MORF4L1: variants seen among roughly 807,000 people sequenced by gnomAD.
The protein encoded by MORF4L1 is mortality factor 4-like protein 1.
MORF4L1 carries 4 observed loss-of-function variants against 52.9 expected under a neutral mutation model. The ratio of observed to expected loss-of-function variants is 0.08; its 90% CI spans 0.04 to 0.17. The LOEUF (loss-of-function observed/expected upper bound fraction) is 0.17. MORF4L1 is among the 10% of genes least tolerant of loss of function. MORF4L1 has a pLI of 1.00. For missense variants in MORF4L1, 214 were observed against 390.4 expected (o/e 0.55, Z 3.81); for synonymous variants, 123 against 134.8 (o/e 0.91, Z 0.61).
intron 10 of MORF4L1, 152 bp downstream of exon 10, chr15:78,894,382 C>G (rs1428168983): frequency 1.8e-6 from 1 of 555,918 alleles, no homozygotes; most frequent in Non-Finnish European, 3.0e-6. Context: ...TCTTTAGGAG[C>G]AAGAGTTTTA....
intron 5 of MORF4L1, among the ~76,000 whole-genome samples, chr15:78,889,333 C>G (rs1014009544): frequency 6.6e-6 from 1 of 152,166 alleles, no homozygotes; most frequent in Non-Finnish European, 1.5e-5. Context: ...AGAAGCGTTT[C>G]AGATTCCAGA....
At chr15:78,873,206 G>C in intron 1 of MORF4L1, 149 bp downstream of exon 1, 1 of 1,515,412 alleles carries the variant, frequency 6.6e-7, no homozygotes, top group Non-Finnish European at 8.8e-7. Context: ...GCGCATTGCG[G>C]ATGGCAATTC....
rs370919012 is a variant in MORF4L1 at position 78,891,486 on chromosome 15, C to G, written c.352C>G (p.Pro118Ala). The G allele has an allele frequency of 1.9e-6, 3 of 1,613,386 alleles. No individual in the cohort carries two copies. Among genetic ancestry groups the G allele is most frequent in the African/African-American group, 2.7e-5 (2 of 74,842 alleles). Residue 118 changes from proline to alanine, a missense_variant and splice_region_variant, in exon 7 of 12, where the codon CCT (proline) becomes GCT (alanine). Physicochemically the swap from Pro to Ala is conservative, Grantham distance 27. This residue lies in a region of MORF4L1 where 84 missense variants were observed against 116.3 expected (regional missense o/e 0.72). Transcript: ENST00000426013. ...VKTKKNKQKTPGNGDGGSTSE... is the reference protein window; with the variant it reads ...VKTKKNKQKTAGNGDGGSTSE... ...CCCCTCCCCGCCAACATTTACAGCA[C>G]CTGGAAATGGAGATGGTGGCAGTAC...
At chr15:78,873,345 C>A in intron 1 of MORF4L1, 1 of 767,940 alleles carries the variant, frequency 1.3e-6, no homozygotes. Context: ...GAAGAGGGCG[C>A]GGAGAGAGCA....
chr15:78,880,624 C>T (rs1422985742), intron 3 of MORF4L1, 45 bp downstream of exon 3: 2 of 1,387,168 alleles, frequency 1.4e-6, no homozygotes, highest in African/African-American at 1.4e-5. Context: ...AACAAGATAG[C>T]TTGTGTCACT....
Position 78,872,961 on chromosome 15 carries a change from G to A in MORF4L1, c.-57G>A. On this transcript the variant is annotated 5_prime_UTR_variant, in exon 1 of 12. Coordinates refer to ENST00000426013, the MANE Select transcript of MORF4L1 (RefSeq NM_006791.4). ...GACGCGGAGTTGGGTGGGGTAGAGA[G>A]TAGGGGGCGGTAGTCGGGGGTGGTG... 1.9e-6 allele frequency: 3 copies of A among 1,544,730 alleles called. No homozygotes were observed. The highest frequency in any genetic ancestry group is 2.6e-6 in the Non-Finnish European group (3 of 1,144,842).
At chr15:78,888,309 T>TA (rs960897608) in intron 5 of MORF4L1, among the ~76,000 whole-genome samples, 14 of 151,422 alleles carry the variant, frequency 9.2e-5, no homozygotes, top group Admixed American at 4.0e-4. Flanking sequence ...TACAGAAAAA[T>TA]AAAAAAATTA....
chr15:78,889,435 TG>T (rs1280363447), intron 5 of MORF4L1, among the ~76,000 whole-genome samples: 4 of 152,330 alleles, frequency 2.6e-5, no homozygotes, highest in Non-Finnish European at 5.9e-5. Context: ...TTGAATGTCA[TG>T]TTGGCTCAGA....
intron 3 of MORF4L1, among the ~76,000 whole-genome samples, chr15:78,885,929 C>A (rs2050018948): frequency 6.6e-6 from 1 of 152,196 alleles, no homozygotes; most frequent in Non-Finnish European, 1.5e-5. Context: ...TGGACTCTGG[C>A]AGCTTAGATT....
At chr15:78,880,361 T>C in intron 2 of MORF4L1, 151 bp from the exon 3 acceptor site, 1 of 600,472 alleles carries the variant, frequency 1.7e-6, no homozygotes, top group Non-Finnish European at 2.9e-6. Flanking sequence ...TCTTCAGTTT[T>C]GTAACTTGAG....
intron 8 of MORF4L1, chr15:78,892,740 T>TA (rs2056821554): frequency 6.5e-6 from 1 of 154,286 alleles, no homozygotes; most frequent in Non-Finnish European, 1.4e-5. Context: ...AAATAGGATG[T>TA]TTAATGGAGT....
chr15:78,886,031 G>T, intron 3 of MORF4L1, 110 bp from the exon 4 acceptor site: 2 of 743,786 alleles, frequency 2.7e-6, no homozygotes, highest in Non-Finnish European at 2.4e-6. Flanking sequence ...TATTTGTAGT[G>T]CCAGTTCATC....
chr15:78,889,378 T>TA (rs1370753199), intron 5 of MORF4L1, among the ~76,000 whole-genome samples: 1 of 152,208 alleles, frequency 6.6e-6, no homozygotes, highest in Non-Finnish European at 1.5e-5. Flanking sequence ...GCGTTATACT[T>TA]ACCTGTTGAA....
chr15:78,878,403 T>C, intron 2 of MORF4L1, 144 bp downstream of exon 2: 4 of 591,702 alleles, frequency 6.8e-6, no homozygotes, highest in African/African-American at 1.9e-5. Flanking sequence ...TCTTCATCTT[T>C]CTGAGATTCT....
chr15:78,894,659 C>T (rs1019067933), intron 10 of MORF4L1, 161 bp from the exon 11 acceptor site: 32 of 600,672 alleles, frequency 5.3e-5, no homozygotes, highest in African/African-American at 3.2e-4. Context: ...TCGCCTATCT[C>T]GGCCTCCCAA....
rs375296837 is a variant in MORF4L1 at position 78,889,160 on chromosome 15, T to C, written c.323+1811T>C. ...AATATATGAAGTAAAGCTTTAAAAT[T>C]TAAATTTCCCATTCTTGAACAGTAG... On this transcript the variant is annotated intron_variant, in intron 5 of 11. Coordinates refer to ENST00000426013, the MANE Select transcript of MORF4L1 (RefSeq NM_006791.4). 8.5e-5 allele frequency among the ~76,000 whole-genome samples: 13 copies of C among 152,280 alleles called. No homozygotes were observed. In the East Asian group the frequency reaches 1.7e-3, roughly 20 times the overall value.
intron 3 of MORF4L1, among the ~76,000 whole-genome samples, chr15:78,883,705 G>A (rs1438543339): frequency 6.6e-6 from 1 of 152,190 alleles, no homozygotes; most frequent in Non-Finnish European, 1.5e-5. Flanking sequence ...TATCAGAAAT[G>A]TCTTTGGTTG....
intron 1 of MORF4L1, chr15:78,876,412 G>T: frequency 1.6e-5 from 6 of 376,672 alleles, no homozygotes; most frequent in East Asian, 7.3e-5. Context: ...ATTCTTTTTT[G>T]TTTTGTTTTG....
chr15:78,887,999 C>G (rs1007562722), intron 5 of MORF4L1, among the ~76,000 whole-genome samples: 8 of 152,190 alleles, frequency 5.3e-5, no homozygotes, highest in African/African-American at 1.9e-4. Context: ...GGCTGACCTC[C>G]TGACCTCAGG....
Sources: allele counts gnomAD v4.1 joint callset (sites outside exome capture counted in the v4.1 genomes callset), GRCh38; gene constraint gnomAD v4.1.1; regional missense constraint gnomAD v4.1.1; transcripts MANE v1.5; gene names NCBI Gene and HGNC (gene_info 2026-07-23, HGNC 2026-07-21).